The following AASDH variants were observed in gnomAD, a reference collection of about 807,000 sequenced individuals.
AASDH encodes aminoadipate-semialdehyde dehydrogenase.
Under a neutral mutation model 102.3 loss-of-function variants are expected in AASDH, and 81 were observed. That is an observed-to-expected ratio of 0.79 (90% CI 0.66 to 0.95). AASDH has a LOEUF of 0.95. Among genes scored for constraint, AASDH ranks in the 40% least tolerant of loss-of-function variants. The pLI is 0.00. For missense variants in AASDH, 1,203 were observed against 1,266.2 expected, an observed-to-expected ratio of 0.95 and a Z score of 0.76; for synonymous variants, 398 against 454.0, an observed-to-expected ratio of 0.88 and a Z score of 1.57.
intron 14 of AASDH, among the ~76,000 whole-genome samples, chr4:56,342,110 C>CAAAA (rs113304959): frequency 1.5e-3 from 143 of 97,204 alleles, no homozygotes; most frequent in East Asian, 1.9e-3. Context: ...GATTCTGTCT[C>CAAAA]AAAAAAAAAA....
At chr4:56,382,793 G>A (rs1241093385) in intron 2 of AASDH, among the ~76,000 whole-genome samples, 196 bp from the exon 3 acceptor site, 1 of 152,164 alleles carries the variant, frequency 6.6e-6, no homozygotes. Context: ...ATTTTAGCCG[G>A]GCACGGTGGC....
intron 3 of AASDH, among the ~76,000 whole-genome samples, chr4:56,379,340 C>G (rs73240544): frequency 0.055 from 8,441 of 152,150 alleles, 314 homozygotes; most frequent in Middle Eastern, 0.085. Flanking sequence ...ACTATGTTAC[C>G]CAATCTGGTC....
intron 5 of AASDH, among the ~76,000 whole-genome samples, chr4:56,362,133 G>A (rs1750371726): frequency 6.6e-6 from 1 of 152,152 alleles, no homozygotes. Context: ...AATAAAAGAG[G>A]TCTTTAATTT....
rs185838865 is a variant in AASDH at position 56,383,278 on chromosome 4, G to A, written c.231-681C>T. Reference sequence around the variant, plus strand: ...AATAATTGAGTGAAAGTAAATTTTTGTTGTTGTTTTTATTTGTTTTATAGA... The same window carrying A: ...AATAATTGAGTGAAAGTAAATTTTTATTGTTGTTTTTATTTGTTTTATAGA... On this transcript the variant is annotated intron_variant, in intron 2 of 14. Coordinates refer to ENST00000205214, the MANE Select transcript of AASDH (RefSeq NM_181806.4). Among the ~76,000 whole-genome samples, 1,468 of 152,110 alleles carry A rather than the reference G, an allele frequency of 9.7e-3. 19 individuals are homozygous for A. Among genetic ancestry groups the A allele is most frequent in the African/African-American group, 0.033 (1,368 of 41,488 alleles).
intron 5 of AASDH, among the ~76,000 whole-genome samples, chr4:56,370,012 C>G (rs1021170522): frequency 6.6e-6 from 1 of 151,224 alleles, no homozygotes; most frequent in African/African-American, 2.4e-5. Context: ...CACAGGTATA[C>G]GAATATAACA....
At chr4:56,354,290 G>C in intron 7 of AASDH, 79 bp from the exon 8 acceptor site, 2 of 1,284,760 alleles carry the variant, frequency 1.6e-6, no homozygotes, top group South Asian at 2.2e-5. Context: ...ATCTCCAAAA[G>C]TTCAGTGACT....
chr4:56,350,206 G>GAGTACTGGGAT, intron 10 of AASDH, 148 bp from the exon 11 acceptor site: 2 of 784,474 alleles, frequency 2.5e-6, no homozygotes, highest in Non-Finnish European at 3.9e-6. Context: ...TGTAATCCCA[G>GAGTACTGGGAT]TACTCTGGGA....
chr4:56,383,418 A>T (rs541000757), intron 2 of AASDH, among the ~76,000 whole-genome samples: 14 of 152,316 alleles, frequency 9.2e-5, no homozygotes, highest in African/African-American at 3.1e-4. Flanking sequence ...GTGCCTGGCC[A>T]AAAGTAAATT....
chr4:56,338,686 T>TACA lies in AASDH; in HGVS notation c.3010_3012dup (p.Cys1004dup), dbSNP rs755947661. The TACA allele has an allele frequency of 5.6e-6, 9 of 1,614,200 alleles. No homozygotes were observed. The East Asian group carries it at 1.1e-4, about 20-fold the overall frequency. On this transcript the variant is annotated inframe_insertion, in exon 15 of 15. Coordinates refer to ENST00000205214, the MANE Select transcript of AASDH (RefSeq NM_181806.4). ...TTCCACTGCAGGTGACCTTTCATGT[T>TACA]ACAACAGTAGATAAAGCAATCATGG...
At chr4:56,345,861 C>G (rs187557277) in intron 11 of AASDH, among the ~76,000 whole-genome samples, 11 of 152,340 alleles carry the variant, frequency 7.2e-5, no homozygotes, top group Middle Eastern at 6.8e-3. Flanking sequence ...TTAATCCCCA[C>G]AGTGAAGTAA....
At chr4:56,342,800 A>T (rs1328956639) in intron 14 of AASDH, 35 bp downstream of exon 14, 25 of 916,000 alleles carry the variant, frequency 2.7e-5, no homozygotes, top group South Asian at 1.3e-4. Context: ...TATATATATA[A>T]AAATGTATAT....
intron 9 of AASDH, among the ~76,000 whole-genome samples, chr4:56,351,869 A>C (rs1440799976): frequency 6.6e-6 from 1 of 150,728 alleles, no homozygotes; most frequent in Non-Finnish European, 1.5e-5. Context: ...GTGAGCCCTG[A>C]CTGCACCACT....
chr4:56,382,675 A>G, intron 2 of AASDH, 78 bp from the exon 3 acceptor site: 1 of 1,486,880 alleles, frequency 6.7e-7, no homozygotes, highest in Non-Finnish European at 9.1e-7. Flanking sequence ...TTCTCTATGC[A>G]CTTTATTTAT....
In AASDH at chr4:56,382,521, T is replaced by G; in HGVS notation, c.307A>C (p.Lys103Gln). 6.2e-7 allele frequency: 1 copy of G among 1,602,238 alleles called. No homozygotes were observed. The highest frequency in any genetic ancestry group is 8.5e-7 in the Non-Finnish European group (1 of 1,170,176). Residue 103 changes from lysine to glutamine, a missense_variant, in exon 3 of 15, where the codon AAA (lysine) becomes CAA (glutamine). Transcript: ENST00000205214. ...PPSLSTHFMK[K>Q]CNLKYILVEK... ...ACAAGGATATACTTTAGATTACATT[T>G]TTTCATAAAATGAGTTGATAATGAC...
intron 1 of AASDH, among the ~76,000 whole-genome samples, chr4:56,385,707 C>T (rs112711629): frequency 0.026 from 4,013 of 152,228 alleles, 155 homozygotes; most frequent in East Asian, 0.2. Flanking sequence ...AAGCGATTCT[C>T]CCACCTCAAG....
chr4:56,355,593 GTTTTTTTT>G (rs149149581), intron 5 of AASDH, among the ~76,000 whole-genome samples, 170 bp from the exon 6 acceptor site: 4 of 91,916 alleles, frequency 4.4e-5, no homozygotes, highest in African/African-American at 4.2e-5. Flanking sequence ...TTATCTTCTT[GTTTTTTTT>G]TTTTTTTTTT....
In AASDH at chr4:56,354,827, A is replaced by G. The variant is rs114650327; in HGVS notation, c.1104-16T>C. The G allele has an allele frequency of 3.2e-6, 5 of 1,563,710 alleles. No individual in the cohort carries two copies. In the East Asian group the frequency reaches 9.0e-5, roughly 28 times the overall value. Reference sequence around the variant, plus strand: ...CAATTCACATCTATGAAAATAAGATACAGAGCAGATTTAAAATTTTTCATT... The same window carrying G: ...CAATTCACATCTATGAAAATAAGATGCAGAGCAGATTTAAAATTTTTCATT... On this transcript the variant is annotated splice_polypyrimidine_tract_variant and intron_variant, in intron 6 of 14. Transcript: ENST00000205214.
chr4:56,368,131 C>A (rs955042794), intron 5 of AASDH, among the ~76,000 whole-genome samples: 14 of 152,224 alleles, frequency 9.2e-5, no homozygotes, highest in African/African-American at 2.9e-4. Context: ...CTCATCATCA[C>A]TGGCCATCAG....
chr4:56,377,298 C>T (rs1322182062), intron 4 of AASDH, among the ~76,000 whole-genome samples: 1 of 152,142 alleles, frequency 6.6e-6, no homozygotes, highest in African/African-American at 2.4e-5. Flanking sequence ...TCCTCTCTTT[C>T]TTGGCAAATT....
Sources: allele counts gnomAD v4.1 joint callset (sites outside exome capture counted in the v4.1 genomes callset), GRCh38; gene constraint gnomAD v4.1.1; transcripts MANE v1.5; gene names NCBI Gene and HGNC (gene_info 2026-07-23, HGNC 2026-07-21).